The following ASTN2 variants were observed in gnomAD, a reference collection of about 807,000 sequenced individuals.
ASTN2 encodes astrotactin-2.
ASTN2 carries 54 observed loss-of-function variants against 139.8 expected under a neutral mutation model. The observed-to-expected ratio is 0.39, with a 90% CI of 0.31 to 0.48. The LOEUF is 0.48. ASTN2 is among the 20% of genes least tolerant of loss of function. The pLI, the probability that ASTN2 is intolerant of heterozygous loss-of-function variation, is 0.95. For synonymous variants in ASTN2, 756 were observed against 719.5 expected, an observed-to-expected ratio of 1.05 and a Z score of -0.81; for missense variants, 1,565 against 1,725.1, an observed-to-expected ratio of 0.91 and a Z score of 1.64.
intron 10 of ASTN2, among the ~76,000 whole-genome samples, chr9:116,968,054 G>A (rs894099858): frequency 6.6e-6 from 1 of 152,108 alleles, no homozygotes; most frequent in Non-Finnish European, 1.5e-5. Flanking sequence ...CATGTAATAT[G>A]CTGTACTAGT....
At chr9:116,508,630 G>A (rs145516755) in intron 19 of ASTN2, among the ~76,000 whole-genome samples, 22 of 152,198 alleles carry the variant, frequency 1.4e-4, no homozygotes, top group African/African-American at 2.4e-4. Flanking sequence ...GCACTTCAGC[G>A]CAGATGATTT....
At chr9:116,805,974 C>G (rs547433386) in intron 12 of ASTN2, among the ~76,000 whole-genome samples, 154 bp from the exon 13 acceptor site, 1 of 152,138 alleles carries the variant, frequency 6.6e-6, no homozygotes, top group Non-Finnish European at 1.5e-5. Context: ...GCACAGATGT[C>G]TAGAGAGAAG....
rs139000030 is a variant in ASTN2, at chr9:116,887,009, G to A, written c.1890-23276C>T. On this transcript the variant is annotated intron_variant, in intron 10 of 22. Coordinates refer to ENST00000313400, the MANE Select transcript of ASTN2 (RefSeq NM_001365068.1). ...GTAGGCTCATGGACATAATCAAATG[G>A]GAATACGAATGCAGTGATTAGCACA... is the stretch of plus-strand genomic sequence containing the variant. Among the ~76,000 whole-genome samples the A allele has an allele frequency of 5.9e-5, 9 of 152,114 alleles. No homozygotes were observed. In the East Asian group the frequency reaches 1.7e-3, roughly 30 times the overall value.
chr9:117,123,217 C>T (rs115626495), intron 4 of ASTN2, among the ~76,000 whole-genome samples: 3,311 of 152,040 alleles, frequency 0.022, 108 homozygotes, highest in African/African-American at 0.076. Context: ...TCAGGAGCTA[C>T]CCTCTGAGAA....
intron 19 of ASTN2, among the ~76,000 whole-genome samples, chr9:116,614,524 G>A (rs1254430525): frequency 2.0e-5 from 3 of 152,046 alleles, no homozygotes; most frequent in Non-Finnish European, 4.4e-5. Flanking sequence ...CCAAAACAGA[G>A]TTATAGACCA....
chr9:117,107,064 A>C (rs557018031), intron 4 of ASTN2, among the ~76,000 whole-genome samples: 2 of 152,314 alleles, frequency 1.3e-5, no homozygotes, highest in South Asian at 4.1e-4. Context: ...AAATAAATAT[A>C]GATTGCTTAT....
At chr9:116,436,177 A>G (rs1465461904) in intron 22 of ASTN2, among the ~76,000 whole-genome samples, 1 of 152,110 alleles carries the variant, frequency 6.6e-6, no homozygotes, top group African/African-American at 2.4e-5. Flanking sequence ...ATGAAGTGAG[A>G]TCTCTTCAAG....
chr9:117,276,730 G>T (rs1195128991), intron 2 of ASTN2, among the ~76,000 whole-genome samples: 1 of 152,126 alleles, frequency 6.6e-6, no homozygotes, highest in Non-Finnish European at 1.5e-5. Flanking sequence ...AGGGGGATGA[G>T]ATAAGGCTGC....
At chr9:116,691,065 G>C (rs1471921933) in intron 16 of ASTN2, among the ~76,000 whole-genome samples, 1 of 152,086 alleles carries the variant, frequency 6.6e-6, no homozygotes, top group Non-Finnish European at 1.5e-5. Context: ...GACCACAAGT[G>C]CATGCCACCA....
In ASTN2 at chr9:117,245,423, G is replaced by A. The variant is rs552069639; in HGVS notation, c.631-30681C>T. On this transcript the variant is annotated intron_variant, in intron 2 of 22. Coordinates refer to ENST00000313400, the MANE Select transcript of ASTN2 (RefSeq NM_001365068.1). Reference sequence around the variant, plus strand: ...TGGCGGGAGGCCCAGTTTGCAAAGCGGCACAGGGACAGGGCTCAGGGCTGC... The same window carrying A: ...TGGCGGGAGGCCCAGTTTGCAAAGCAGCACAGGGACAGGGCTCAGGGCTGC... Among the ~76,000 whole-genome samples, 12 of 152,308 alleles carry A rather than the reference G, an allele frequency of 7.9e-5. No individual in the cohort carries two copies. In the East Asian group the frequency reaches 1.4e-3, roughly 17 times the overall value.
intron 16 of ASTN2, among the ~76,000 whole-genome samples, chr9:116,658,134 AC>A (rs1858336244): frequency 6.6e-6 from 1 of 152,018 alleles, no homozygotes; most frequent in Non-Finnish European, 1.5e-5. Flanking sequence ...AAGAACTATT[AC>A]CATGTTTGGA....
At chr9:117,175,306 A>G (rs1044219024) in intron 3 of ASTN2, among the ~76,000 whole-genome samples, 8 of 152,160 alleles carry the variant, frequency 5.3e-5, no homozygotes, top group Admixed American at 4.6e-4. Flanking sequence ...ATAGCCATAC[A>G]AGAAGGCTCA....
chr9:116,866,855 G>A (rs1454148051), intron 10 of ASTN2, among the ~76,000 whole-genome samples: 2 of 140,158 alleles, frequency 1.4e-5, no homozygotes, highest in Admixed American at 7.6e-5. Context: ...ATCGTGCCAC[G>A]GCACTCTAGC....
intron 13 of ASTN2, among the ~76,000 whole-genome samples, chr9:116,770,201 T>C (rs1239528033): frequency 6.6e-6 from 1 of 151,906 alleles, no homozygotes; most frequent in Non-Finnish European, 1.5e-5. Context: ...CAGCCGATAT[T>C]GGAGAACATA....
chr9:116,975,399 G>GA (rs1441056647), intron 9 of ASTN2, 54 bp from the exon 10 acceptor site: 3 of 1,509,072 alleles, frequency 2.0e-6, no homozygotes, highest in Non-Finnish European at 1.8e-6. Context: ...AGAGCAAACA[G>GA]AAAAAAGGGG....
chr9:116,963,784 T>C (rs1835931815), intron 10 of ASTN2, among the ~76,000 whole-genome samples: 1 of 152,186 alleles, frequency 6.6e-6, no homozygotes. Flanking sequence ...TGTAGTTGGC[T>C]TCTCACTGGG....
chr9:116,561,658 T>C (rs1852920104), intron 19 of ASTN2, among the ~76,000 whole-genome samples: 1 of 151,956 alleles, frequency 6.6e-6, no homozygotes, highest in Non-Finnish European at 1.5e-5. Context: ...CCTGTTGGAG[T>C]CTCCCACAGC....
At chr9:117,333,292 C>T (rs1210265948) in intron 1 of ASTN2, among the ~76,000 whole-genome samples, 1 of 152,074 alleles carries the variant, frequency 6.6e-6, no homozygotes. Context: ...CATGGCCGCT[C>T]TCATCTCACA....
chr9:117,291,644 A>G, intron 1 of ASTN2, 131 bp from the exon 2 acceptor site: 1 of 690,618 alleles, frequency 1.4e-6, no homozygotes, highest in Non-Finnish European at 2.4e-6. Flanking sequence ...CCTCACATCA[A>G]GTCTATGAGA....
Sources: allele counts gnomAD v4.1 joint callset (sites outside exome capture counted in the v4.1 genomes callset), GRCh38; gene constraint gnomAD v4.1.1; transcripts MANE v1.5; gene names NCBI Gene and HGNC (gene_info 2026-07-23, HGNC 2026-07-21).